STMN2: variants seen among roughly 807,000 people sequenced by gnomAD.
STMN2 encodes stathmin 2.
A neutral mutation model predicts 24.1 loss-of-function variants in STMN2; 2 were observed. That is an observed-to-expected ratio of 0.08 (90% CI 0.03 to 0.26). STMN2 has a LOEUF of 0.26. Ranked by LOEUF, STMN2 falls within the 10% of genes least tolerant of loss-of-function variation. STMN2 has a pLI of 1.00. For missense variants in STMN2, 114 were observed against 213.6 expected (o/e 0.53, Z 2.91); for synonymous variants, 83 against 77.5 (o/e 1.07, Z -0.37).
chr8:79,655,855 G>A (rs1806341821), intron 4 of STMN2, among the ~76,000 whole-genome samples: 1 of 152,184 alleles, frequency 6.6e-6, no homozygotes, highest in Non-Finnish European at 1.5e-5. Context: ...TGGGATGTTT[G>A]AGAAAGACGC....
chr8:79,650,666 C>T (rs1585905056), intron 3 of STMN2, among the ~76,000 whole-genome samples: 1 of 152,162 alleles, frequency 6.6e-6, no homozygotes, highest in East Asian at 1.9e-4. Flanking sequence ...CTGGATGCTA[C>T]ACTGTGAAAA....
chr8:79,630,835 A>T (rs1040321543), intron 1 of STMN2, among the ~76,000 whole-genome samples: 21 of 152,194 alleles, frequency 1.4e-4, no homozygotes, highest in African/African-American at 5.1e-4. Context: ...GTCTCATTTA[A>T]GTCCCAACCA....
chr8:79,613,390 T>C (rs2130288055), intron 1 of STMN2: 1 of 985,360 alleles, frequency 1.0e-6, no homozygotes, highest in Non-Finnish European at 1.2e-6. Context: ...CTCCCCGGAG[T>C]TGGGCGCTCG....
At chr8:79,616,389 G>A (rs1484254414) in intron 1 of STMN2, among the ~76,000 whole-genome samples, 1 of 152,096 alleles carries the variant, frequency 6.6e-6, no homozygotes, top group Non-Finnish European at 1.5e-5. Flanking sequence ...TTTTAAATAT[G>A]CATTGATAGA....
At chr8:79,642,191 G>T (rs1288193005) in intron 3 of STMN2, among the ~76,000 whole-genome samples, 1 of 152,102 alleles carries the variant, frequency 6.6e-6, no homozygotes, top group African/African-American at 2.4e-5. Flanking sequence ...ACTTGATGGG[G>T]ATTTTTCTCT....
At position 79,663,625 on chromosome 8, in the gene STMN2, C is replaced by T. The variant is rs1194309944; in HGVS notation, c.481-1190C>T. ...TGAACTAAAAGAATCTATAGAGTCTCAATTTCTGGAGCTTCAGAGGGAAGG... is the reference window on the plus strand; with the variant it reads ...TGAACTAAAAGAATCTATAGAGTCTTAATTTCTGGAGCTTCAGAGGGAAGG... On this transcript the variant is annotated intron_variant, in intron 4 of 4. Transcript: ENST00000220876. The T allele has an allele frequency of 4.6e-6, 7 of 1,531,148 alleles. No individual in the cohort carries two copies. In the African/African-American group the frequency reaches 8.2e-5, roughly 18 times the overall value. 94.8% of individuals were successfully genotyped at this position (1,531,148 alleles called of 1,614,324 possible). A position where few individuals can be genotyped will look rare whatever the true frequency, so the allele number is the denominator to read the frequency against.
intron 4 of STMN2, among the ~76,000 whole-genome samples, chr8:79,659,954 C>T (rs1025508480): frequency 1.4e-4 from 22 of 152,166 alleles, no homozygotes; most frequent in Admixed American, 9.8e-4. Context: ...CACTTTCTCA[C>T]GTATTTCCAA....
intron 3 of STMN2, among the ~76,000 whole-genome samples, chr8:79,642,216 C>A (rs1563442689): frequency 1.3e-5 from 2 of 152,054 alleles, no homozygotes; most frequent in African/African-American, 2.4e-5. Context: ...GCCATTGGTC[C>A]CTGCTTATAT....
chr8:79,621,962 G>T (rs1299858293), intron 1 of STMN2, among the ~76,000 whole-genome samples: 1 of 152,178 alleles, frequency 6.6e-6, no homozygotes, highest in Non-Finnish European at 1.5e-5. Context: ...GAAGTGTAAA[G>T]TTCTGTGCAA....
intron 4 of STMN2, among the ~76,000 whole-genome samples, chr8:79,656,686 G>A (rs1806376956): frequency 6.6e-6 from 1 of 152,244 alleles, no homozygotes; most frequent in Non-Finnish European, 1.5e-5. Context: ...TGAGATCACT[G>A]TGACTCAACC....
At chr8:79,618,445 A>G (rs1809434222) in intron 1 of STMN2, among the ~76,000 whole-genome samples, 1 of 152,176 alleles carries the variant, frequency 6.6e-6, no homozygotes, top group African/African-American at 2.4e-5. Context: ...CTCCTTAACT[A>G]CTTCCATAGG....
In STMN2 at chr8:79,654,851, G is replaced by A. The variant is rs182006176; in HGVS notation, c.289-20G>A. On this transcript the variant is annotated intron_variant, in intron 3 of 4. Transcript: ENST00000220876. ...TTTGTGTTTGGATAATTATAAGATG[G>A]CTATGTTTTTCTTCCCCAGTCTCAG... The A allele has an allele frequency of 9.7e-5, 156 of 1,606,314 alleles. No homozygotes were observed. Among genetic ancestry groups the A allele is most frequent in the African/African-American group, 4.0e-5 (3 of 74,636 alleles).
intron 4 of STMN2, among the ~76,000 whole-genome samples, chr8:79,655,357 G>A (rs1170678999): frequency 4.6e-5 from 7 of 152,060 alleles, no homozygotes; most frequent in South Asian, 4.1e-4. Flanking sequence ...CAAGCCTCAC[G>A]AGGCAATCTG....
At chr8:79,641,623 T>A (rs1441806312) in intron 3 of STMN2, 73 bp downstream of exon 3, 71 of 520,856 alleles carry the variant, frequency 1.4e-4, no homozygotes, top group East Asian at 2.6e-4. Context: ...CGGGCACACA[T>A]GCACGCACAC....
chr8:79,620,008 A>G (rs1266168600), intron 1 of STMN2, among the ~76,000 whole-genome samples: 1 of 151,760 alleles, frequency 6.6e-6, no homozygotes, highest in Non-Finnish European at 1.5e-5. Context: ...TTTTTAGAAA[A>G]CATTCACCTG....
At chr8:79,651,496 C>T (rs1347377847) in intron 3 of STMN2, among the ~76,000 whole-genome samples, 1 of 152,122 alleles carries the variant, frequency 6.6e-6, no homozygotes, top group African/African-American at 2.4e-5. Flanking sequence ...AAATGTGTCC[C>T]ACCAAGGCAA....
chr8:79,626,178 A>C (rs2130319455), intron 1 of STMN2, among the ~76,000 whole-genome samples: 1 of 152,268 alleles, frequency 6.6e-6, no homozygotes, highest in East Asian at 1.9e-4. Flanking sequence ...TAGAGCTCAA[A>C]TCTTCAGTTT....
intron 3 of STMN2, among the ~76,000 whole-genome samples, chr8:79,649,995 T>A (rs1181441803): frequency 6.6e-6 from 1 of 152,184 alleles, no homozygotes; most frequent in African/African-American, 2.4e-5. Context: ...GTGAGGAGGT[T>A]TATGCCTAGA....
At chr8:79,620,890 A>T (rs1809501071) in intron 1 of STMN2, 1 of 895,084 alleles carries the variant, frequency 1.1e-6, no homozygotes, top group Non-Finnish European at 1.3e-6. Context: ...ATGGATTTGC[A>T]TTTCTAACAA....
Sources: allele counts gnomAD v4.1 joint callset (sites outside exome capture counted in the v4.1 genomes callset), GRCh38; gene constraint gnomAD v4.1.1; transcripts MANE v1.5; gene names NCBI Gene and HGNC (gene_info 2026-07-23, HGNC 2026-07-21).